PDE3B: variants seen among roughly 807,000 people sequenced by gnomAD.
PDE3B encodes cGMP-inhibited 3',5'-cyclic phosphodiesterase 3B.
A neutral mutation model predicts 116.8 loss-of-function variants in PDE3B; 66 were observed. That is an observed-to-expected ratio of 0.56 (90% CI 0.46 to 0.69). The LOEUF (loss-of-function observed/expected upper bound fraction) is 0.69, where lower values mean the gene tolerates loss of function less well. Among genes scored for constraint, PDE3B ranks in the 30% least tolerant of loss-of-function variants. The probability of loss-of-function intolerance (pLI) is 0.00; values close to 1 mark genes in which losing one functional copy is unlikely to be tolerated. For synonymous variants in PDE3B, 595 were observed against 533.6 expected, an observed-to-expected ratio of 1.12 and a Z score of -1.59; for missense variants, 1,384 against 1,368.1, an observed-to-expected ratio of 1.01 and a Z score of -0.18.
chr11:14,825,708 T>G (rs921701644), intron 7 of PDE3B, among the ~76,000 whole-genome samples: 1 of 152,216 alleles, frequency 6.6e-6, no homozygotes, highest in Non-Finnish European at 1.5e-5. Context: ...AACACTCCAC[T>G]GACAGTATTA....
chr11:14,884,426 G>A, the PDE3B span, among the ~76,000 whole-genome samples: 75 of 150,492 alleles, frequency 5.0e-4, no homozygotes, highest in Admixed American at 1.3e-3. Context: ...GTAAACTATC[G>A]CAAGAACAAA....
Position 14,869,020 on chromosome 11 carries a change from CAAAAA to C in PDE3B, c.3140-432_3140-428del, listed in dbSNP as rs1278465595. On this transcript the variant is annotated intron_variant, in intron 15 of 15. Transcript: ENST00000282096. Reference sequence around the variant, plus strand: ...TGGGCGACAGAGCAAGACTCCGTCTCAAAAAAAAAAAAATTGTACTCATCAAAATG... The same window carrying C: ...TGGGCGACAGAGCAAGACTCCGTCTCAAAAAAAATTGTACTCATCAAAATG... Among the ~76,000 whole-genome samples the C allele has an allele frequency of 3.7e-5, 5 of 136,314 alleles. No homozygotes were observed. In the East Asian group the frequency reaches 8.3e-4, roughly 23 times the overall value. The allele number at this position is 136,314 out of a possible 152,430, so 89.4% of individuals were successfully genotyped here. A position where few individuals can be genotyped will look rare whatever the true frequency, so the allele number is the denominator to read the frequency against.
At chr11:14,782,756 A>G (rs1269957708) in intron 2 of PDE3B, among the ~76,000 whole-genome samples, 3 of 152,268 alleles carry the variant, frequency 2.0e-5, no homozygotes, top group Admixed American at 6.5e-5. Context: ...CAAAGTTGAC[A>G]AATGGGATCT....
Position 14,654,787 on chromosome 11 carries a change from TACACACACACAC to T in PDE3B, c.978+9768_978+9779del, listed in dbSNP as rs59557281. Among the ~76,000 whole-genome samples, 688 of 142,086 alleles carry T rather than the reference TACACACACACAC, an allele frequency of 4.8e-3. 10 individuals carry two copies. Among genetic ancestry groups the T allele is most frequent in the African/African-American group, 0.017 (642 of 38,710 alleles). 93.2% of individuals were successfully genotyped at this position (142,086 alleles called of 152,430 possible). A position where few individuals can be genotyped will look rare whatever the true frequency, so the allele number is the denominator to read the frequency against. ...TGTTTATATATACACAGCAGCTGTC[TACACACACACAC>T]ACACACACACACACACACACACACA... On this transcript the variant is annotated intron_variant, in intron 1 of 15. Coordinates refer to ENST00000282096, the MANE Select transcript of PDE3B (RefSeq NM_000922.4).
At chr11:14,680,780 CAA>C (rs5789847) in intron 1 of PDE3B, among the ~76,000 whole-genome samples, 1 of 143,710 alleles carries the variant, frequency 7.0e-6, no homozygotes, top group Non-Finnish European at 1.5e-5. Context: ...GAAATGACTT[CAA>C]AAAAAAAAAA....
At chr11:14,876,515 A>G (rs1848191133), downstream of PDE3B, among the ~76,000 whole-genome samples, 1 of 152,118 alleles carries the variant, frequency 6.6e-6, no homozygotes, top group South Asian at 2.1e-4. Context: ...GGAGAAGCCA[A>G]CTCCATCACT....
the PDE3B span, among the ~76,000 whole-genome samples, chr11:14,884,142 A>G: frequency 6.6e-6 from 1 of 152,008 alleles, no homozygotes; most frequent in Non-Finnish European, 1.5e-5. Context: ...AGGGATCTAG[A>G]ACTAGAAATA....
At chr11:14,762,411 A>G (rs1857387006) in intron 1 of PDE3B, among the ~76,000 whole-genome samples, 1 of 152,336 alleles carries the variant, frequency 6.6e-6, no homozygotes, top group African/African-American at 2.4e-5. Flanking sequence ...TTTTTAATTT[A>G]TTAAGAAAAA....
intron 1 of PDE3B, among the ~76,000 whole-genome samples, chr11:14,680,798 G>A (rs1018688342): frequency 6.6e-6 from 1 of 150,776 alleles, no homozygotes; most frequent in Non-Finnish European, 1.5e-5. Flanking sequence ...AAAAAGGAAT[G>A]GACATTTTTT....
At chr11:14,743,787 C>T (rs1856834759) in intron 1 of PDE3B, among the ~76,000 whole-genome samples, 1 of 152,164 alleles carries the variant, frequency 6.6e-6, no homozygotes, top group Non-Finnish European at 1.5e-5. Flanking sequence ...CGGCACAGTC[C>T]CTCATGGCTT....
At chr11:14,817,764 A>G (rs1276039130) in intron 5 of PDE3B, among the ~76,000 whole-genome samples, 1 of 152,222 alleles carries the variant, frequency 6.6e-6, no homozygotes, top group East Asian at 1.9e-4. Flanking sequence ...TTTAAATAAA[A>G]TTTAATTTTA....
At chr11:14,731,550 G>A (rs1291677145) in intron 1 of PDE3B, among the ~76,000 whole-genome samples, 7 of 152,112 alleles carry the variant, frequency 4.6e-5, no homozygotes, top group African/African-American at 1.7e-4. Context: ...GAGCCACCAC[G>A]CCTGGCCTTT....
At chr11:14,806,210 T>A (rs1214220088) in intron 5 of PDE3B, among the ~76,000 whole-genome samples, 2 of 150,976 alleles carry the variant, frequency 1.3e-5, no homozygotes, top group Non-Finnish European at 2.9e-5. Flanking sequence ...CCCAGCACTT[T>A]GGGAGGCCAA....
chr11:14,899,317 C>T, the PDE3B span, among the ~76,000 whole-genome samples: 6 of 152,150 alleles, frequency 3.9e-5, no homozygotes, highest in Non-Finnish European at 8.8e-5. Context: ...TTCTCTACTG[C>T]AAAACTTGTC....
intron 5 of PDE3B, among the ~76,000 whole-genome samples, chr11:14,809,244 A>C (rs1179823376): frequency 1.3e-5 from 2 of 152,230 alleles, no homozygotes; most frequent in Admixed American, 1.3e-4. Context: ...ATATATATCC[A>C]AGAGAAGTGA....
intron 1 of PDE3B, among the ~76,000 whole-genome samples, chr11:14,708,085 A>C (rs1295569416): frequency 3.3e-5 from 5 of 152,074 alleles, no homozygotes; most frequent in Admixed American, 2.0e-4. Flanking sequence ...GAAGGGCCTA[A>C]AGGGAGATAT....
At chr11:14,713,784 C>G (rs1455144413) in intron 1 of PDE3B, among the ~76,000 whole-genome samples, 8 of 151,916 alleles carry the variant, frequency 5.3e-5, no homozygotes, top group African/African-American at 1.9e-4. Context: ...TAAAGGGTGA[C>G]TTGGAAAGGC....
intron 8 of PDE3B, among the ~76,000 whole-genome samples, chr11:14,831,149 AAT>A (rs1470151408): frequency 1.3e-5 from 2 of 151,694 alleles, no homozygotes; most frequent in East Asian, 3.9e-4. Flanking sequence ...AGGTATAGAG[AAT>A]ATGTGCATGT....
intron 2 of PDE3B, among the ~76,000 whole-genome samples, chr11:14,781,225 A>T (rs1857989199): frequency 6.6e-6 from 1 of 152,218 alleles, no homozygotes; most frequent in Non-Finnish European, 1.5e-5. Flanking sequence ...GCTGAATTCT[A>T]CCAGAGGTAC....
Sources: allele counts gnomAD v4.1 joint callset (sites outside exome capture counted in the v4.1 genomes callset), GRCh38; gene constraint gnomAD v4.1.1; transcripts MANE v1.5; gene names NCBI Gene and HGNC (gene_info 2026-07-23, HGNC 2026-07-21).